Variants in CCDC171 observed in about 807,000 individuals in gnomAD.
The protein encoded by CCDC171 is coiled-coil domain-containing protein 171.
In CCDC171, 177 loss-of-function variants were observed where a neutral mutation model predicts 168.2. The ratio of observed to expected loss-of-function variants is 1.05; its 90% CI spans 0.93 to 1.19. The LOEUF (loss-of-function observed/expected upper bound fraction) is 1.19, where lower values mean the gene tolerates loss of function less well. CCDC171 is among the 50% of genes most tolerant of loss of function. The probability of loss-of-function intolerance (pLI) is 0.00; values close to 1 mark genes in which losing one functional copy is unlikely to be tolerated. For synonymous variants in CCDC171, 687 were observed against 540.8 expected, an observed-to-expected ratio of 1.27 and a Z score of -3.75; for missense variants, 1,991 against 1,539.0, an observed-to-expected ratio of 1.29 and a Z score of -4.91.
chr9:15,862,687 A>G (rs78489277), intron 23 of CCDC171, among the ~76,000 whole-genome samples: 73 of 151,604 alleles, frequency 4.8e-4, no homozygotes, highest in African/African-American at 1.7e-3. Context: ...TTTGTACCAG[A>G]GAAGACCTTC....
At chr9:15,640,211 G>C (rs2046496692) in intron 7 of CCDC171, among the ~76,000 whole-genome samples, 1 of 152,090 alleles carries the variant, frequency 6.6e-6, no homozygotes, top group African/African-American at 2.4e-5. Flanking sequence ...ACTTCTATGA[G>C]GGTACAATAA....
chr9:15,819,898 C>A lies in CCDC171; in HGVS notation c.3268-26804C>A, dbSNP rs1281740598. On this transcript the variant is annotated intron_variant, in intron 21 of 25. Coordinates refer to ENST00000380701, the MANE Select transcript of CCDC171 (RefSeq NM_173550.4). ...TCAATAGAATACACATTCTTTTCAG[C>A]ACCACACCACACCTATTCCAAAATT... Among the ~76,000 whole-genome samples the A allele has an allele frequency of 3.4e-5, 4 of 117,720 alleles. 1 individual carries two copies. The highest frequency in any genetic ancestry group is 7.6e-5 in the Non-Finnish European group (4 of 52,390). 77.2% of individuals were successfully genotyped at this position (117,720 alleles called of 152,430 possible). A position where few individuals can be genotyped will look rare whatever the true frequency, so the allele number is the denominator to read the frequency against.
At chr9:15,563,085 G>A (rs994691859) in intron 1 of CCDC171, among the ~76,000 whole-genome samples, 3 of 151,858 alleles carry the variant, frequency 2.0e-5, no homozygotes, top group Non-Finnish European at 4.4e-5. Flanking sequence ...CAGTGTCAGA[G>A]AGTTATGAAT....
At chr9:16,081,696 A>G in the CCDC171 span, among the ~76,000 whole-genome samples, 3 of 152,122 alleles carry the variant, frequency 2.0e-5, no homozygotes, top group African/African-American at 7.2e-5. Context: ...GGTCTAACAC[A>G]TCTTAATTGA....
intron 10 of CCDC171, among the ~76,000 whole-genome samples, chr9:15,691,323 A>C (rs2050758359): frequency 6.6e-6 from 1 of 151,808 alleles, no homozygotes; most frequent in African/African-American, 2.4e-5. Flanking sequence ...AAAAGAAAGT[A>C]ATATAATAGT....
intron 18 of CCDC171, among the ~76,000 whole-genome samples, chr9:15,750,840 C>G (rs535600227): frequency 6.6e-6 from 1 of 152,140 alleles, no homozygotes; most frequent in Non-Finnish European, 1.5e-5. Flanking sequence ...TGGGCAAAAG[C>G]TGGAAGCATT....
chr9:15,755,630 A>C (rs2056059697), intron 18 of CCDC171, among the ~76,000 whole-genome samples: 1 of 152,220 alleles, frequency 6.6e-6, no homozygotes. Context: ...AAAGGAATAA[A>C]GTACTGCTAC....
At chr9:15,601,978 G>T (rs957790423) in intron 6 of CCDC171, among the ~76,000 whole-genome samples, 1 of 152,112 alleles carries the variant, frequency 6.6e-6, no homozygotes, top group African/African-American at 2.4e-5. Context: ...TATATGTGAA[G>T]TACTAAAAGA....
intron 25 of CCDC171, among the ~76,000 whole-genome samples, chr9:15,958,407 G>C (rs1013028782): frequency 6.6e-6 from 1 of 151,654 alleles, no homozygotes; most frequent in African/African-American, 2.4e-5. Context: ...AAATTAAATA[G>C]CTACATGTGG....
At chr9:16,098,398 G>T in the CCDC171 span, among the ~76,000 whole-genome samples, 1 of 152,160 alleles carries the variant, frequency 6.6e-6, no homozygotes, top group Non-Finnish European at 1.5e-5. Context: ...CTGGTTGGAA[G>T]AATATGTGAA....
At chr9:15,642,611 TC>T (rs1230130493) in intron 7 of CCDC171, among the ~76,000 whole-genome samples, 2 of 151,890 alleles carry the variant, frequency 1.3e-5, no homozygotes, top group Non-Finnish European at 2.9e-5. Flanking sequence ...GGCTTAAATT[TC>T]ATTATGTCTA....
rs1831543604 is a variant in CCDC171 at position 15,973,898 on chromosome 9, ATC to A, written c.*2064_*2065del. The A allele has an allele frequency of 6.6e-6, 1 of 152,096 alleles. No individual in the cohort carries two copies. The allele number at this position is 152,096 out of a possible 1,614,324, so 9.4% of individuals were successfully genotyped here. ...TTGTGTGTGTGTATGCTTGTGTTGA[ATC>A]TGTTTTCAGATCCTACTGATTTTAG... On this transcript the variant is annotated 3_prime_UTR_variant, in exon 26 of 26. Transcript: ENST00000380701.
chr9:15,992,631 C>T (rs1832238120), intron 3 of CCDC171, among the ~76,000 whole-genome samples: 1 of 152,072 alleles, frequency 6.6e-6, no homozygotes, highest in South Asian at 2.1e-4. Context: ...GGGTATTCAA[C>T]TACGAAAAGA....
intron 24 of CCDC171, among the ~76,000 whole-genome samples, chr9:15,915,243 C>G (rs1824328418): frequency 6.6e-6 from 1 of 152,130 alleles, no homozygotes; most frequent in Non-Finnish European, 1.5e-5. Context: ...CGATATTAAT[C>G]CTTCCAATTC....
chr9:15,789,576 C>T (rs1193118382), intron 21 of CCDC171, among the ~76,000 whole-genome samples: 3 of 152,156 alleles, frequency 2.0e-5, no homozygotes, highest in Non-Finnish European at 2.9e-5. Context: ...AACGAAGTAA[C>T]TGACACATGA....
At chr9:15,701,757 A>C (rs74380661) in intron 11 of CCDC171, among the ~76,000 whole-genome samples, 293 of 152,142 alleles carry the variant, frequency 1.9e-3, no homozygotes, top group African/African-American at 6.4e-3. Context: ...AATATCCTAA[A>C]TCCTTTATTG....
At chr9:15,667,020 A>T (rs991592473) in intron 9 of CCDC171, among the ~76,000 whole-genome samples, 26 of 152,338 alleles carry the variant, frequency 1.7e-4, no homozygotes, top group African/African-American at 6.0e-4. Flanking sequence ...ATTGAGGCTA[A>T]ACAAGAGTAA....
At chr9:15,565,247 C>T (rs976106624) in intron 2 of CCDC171, among the ~76,000 whole-genome samples, 3 of 152,062 alleles carry the variant, frequency 2.0e-5, no homozygotes, top group Non-Finnish European at 4.4e-5. Flanking sequence ...TGCTGCCACG[C>T]CTGGCTAATT....
intron 1 of CCDC171, among the ~76,000 whole-genome samples, chr9:15,555,948 C>T (rs924453263): frequency 6.6e-6 from 1 of 152,034 alleles, no homozygotes; most frequent in African/African-American, 2.4e-5. Flanking sequence ...GTTTTCTGTC[C>T]TTGCGATATT....
Sources: allele counts gnomAD v4.1 joint callset (sites outside exome capture counted in the v4.1 genomes callset), GRCh38; gene constraint gnomAD v4.1.1; transcripts MANE v1.5; gene names NCBI Gene and HGNC (gene_info 2026-07-23, HGNC 2026-07-21).